Variants in CNTNAP3B observed in about 807,000 individuals in gnomAD.
CNTNAP3B encodes contactin associated protein family member 3B.
CNTNAP3B carries 25 observed loss-of-function variants against 108.9 expected under a neutral mutation model. That is an observed-to-expected ratio of 0.23 (90% confidence interval 0.17 to 0.32). The LOEUF (loss-of-function observed/expected upper bound fraction) is 0.32. Ranked by LOEUF, CNTNAP3B falls within the 10% of genes least tolerant of loss-of-function variation. CNTNAP3B has a pLI of 1.00. For synonymous variants in CNTNAP3B, 103 were observed against 473.4 expected (o/e 0.22, Z 10.16); for missense variants, 252 against 1,210.4 (o/e 0.21, Z 11.75).
At chr9:41,940,234 C>T (rs1824293445) in intron 13 of CNTNAP3B, among the ~76,000 whole-genome samples, 1 of 152,408 alleles carries the variant, frequency 6.6e-6, no homozygotes, top group South Asian at 2.1e-4. Context: ...GATACAAACC[C>T]ACAGATTTAG....
chr9:42,111,906 A>G lies in CNTNAP3B; in HGVS notation c.86-7167T>C, dbSNP rs374764583. Reference sequence around the variant, plus strand: ...ACACACACACCTTACATATCACCAGAGCAGAAACGGTTTTAAACTATTGCT... The same window carrying G: ...ACACACACACCTTACATATCACCAGGGCAGAAACGGTTTTAAACTATTGCT... On this transcript the variant is annotated intron_variant, in intron 1 of 23. Coordinates refer to ENST00000377561, the MANE Select transcript of CNTNAP3B (RefSeq NM_001201380.3). Among the ~76,000 whole-genome samples, 5 of 138,798 alleles carry G rather than the reference A, an allele frequency of 3.6e-5. 2 individuals carry two copies. The South Asian group carries it at 7.0e-4, about 19-fold the overall frequency. 91.1% of individuals were successfully genotyped at this position (138,798 alleles called of 152,430 possible).
At chr9:41,944,578 T>C (rs1342155949) in intron 13 of CNTNAP3B, among the ~76,000 whole-genome samples, 4 of 152,184 alleles carry the variant, frequency 2.6e-5, no homozygotes, top group Non-Finnish European at 5.9e-5. Context: ...TATGGAATCA[T>C]ATAAAATGCT....
Position 41,912,624 on chromosome 9 carries a change from CT to C in CNTNAP3B, c.2996-3844del, listed in dbSNP as rs1303917083. Among the ~76,000 whole-genome samples, 37 of 60,414 alleles carry C rather than the reference CT, an allele frequency of 6.1e-4. 1 individual carries two copies. Among genetic ancestry groups the C allele is most frequent in the African/African-American group, 2.2e-3 (35 of 16,090 alleles). 39.6% of individuals were successfully genotyped at this position (60,414 alleles called of 152,430 possible). A position where few individuals can be genotyped will look rare whatever the true frequency, so the allele number is the denominator to read the frequency against. On this transcript the variant is annotated intron_variant, in intron 18 of 23. Transcript: ENST00000377561. ...TATCTCAAAACCTTTTCTAATTTCC[CT>C]TTTGATTTCGGAGTGTATAGTTTAA...
intron 13 of CNTNAP3B, among the ~76,000 whole-genome samples, chr9:41,941,207 A>G (rs1286383486): frequency 6.6e-6 from 1 of 151,054 alleles, no homozygotes; most frequent in Non-Finnish European, 1.5e-5. Context: ...GAGTAAGAAA[A>G]TTATAAAAAT....
chr9:41,994,531 C>A (rs1249669931), intron 7 of CNTNAP3B: 1 of 141,724 alleles, frequency 7.1e-6, no homozygotes, highest in African/African-American at 9.3e-5. Context: ...TTGGTGTTTC[C>A]TTTTTCATGT....
chr9:42,002,745 G>T lies in CNTNAP3B; in HGVS notation c.539-4141C>A, dbSNP rs1342053145. On this transcript the variant is annotated intron_variant, in intron 4 of 23. Coordinates refer to ENST00000377561, the MANE Select transcript of CNTNAP3B (RefSeq NM_001201380.3). The stretch of plus-strand genomic sequence containing the variant: ...GTGATGCTTCTGTAAACAGGCATCT[G>T]GTCCAGAATGACTTCTAAGAAAGGA... Among the ~76,000 whole-genome samples the T allele has an allele frequency of 1.6e-5, 2 of 128,190 alleles. 1 individual carries two copies. The highest frequency in any genetic ancestry group is 3.3e-5 in the Non-Finnish European group (2 of 61,218). 84.1% of individuals were successfully genotyped at this position (128,190 alleles called of 152,430 possible).
intron 15 of CNTNAP3B, among the ~76,000 whole-genome samples, chr9:41,928,673 C>T (rs1267990407): frequency 2.0e-4 from 31 of 152,316 alleles, no homozygotes; most frequent in African/African-American, 5.5e-4. Flanking sequence ...TAGTCTCAGA[C>T]TTCTCCACGG....
At chr9:41,981,939 C>T (rs1294163354) in intron 9 of CNTNAP3B, among the ~76,000 whole-genome samples, 1 of 57,382 alleles carries the variant, frequency 1.7e-5, no homozygotes, top group Non-Finnish European at 3.4e-5. Context: ...TGTGGTGGCA[C>T]GTGCCTGTAG....
At chr9:42,041,743 T>C (rs1285969232) in intron 3 of CNTNAP3B, among the ~76,000 whole-genome samples, 149 of 136,296 alleles carry the variant, frequency 1.1e-3, no homozygotes, top group Non-Finnish European at 1.4e-3. Context: ...ACTGGGTATA[T>C]ACCCAGAGGA....
chr9:42,120,890 G>T (rs1828447040), intron 1 of CNTNAP3B, among the ~76,000 whole-genome samples: 1 of 136,154 alleles, frequency 7.3e-6, no homozygotes, highest in Admixed American at 7.3e-5. Flanking sequence ...GTTAATGGGT[G>T]CAGCACACCA....
intron 3 of CNTNAP3B, among the ~76,000 whole-genome samples, chr9:42,075,394 C>A (rs868562487): frequency 1.4e-5 from 2 of 139,804 alleles, no homozygotes; most frequent in Admixed American, 7.1e-5. Context: ...GAAGCTCACA[C>A]TGTGAGCGGG....
At chr9:41,965,465 CAG>C (rs1398237403) in intron 10 of CNTNAP3B, among the ~76,000 whole-genome samples, 27 of 151,396 alleles carry the variant, frequency 1.8e-4, no homozygotes, top group Non-Finnish European at 3.2e-4. Flanking sequence ...GCACCTGACA[CAG>C]AGTGTCACCA....
intron 2 of CNTNAP3B, among the ~76,000 whole-genome samples, chr9:42,079,596 A>T (rs1335090346): frequency 1.1e-4 from 14 of 132,550 alleles, no homozygotes; most frequent in African/African-American, 4.3e-4. Context: ...ATCTCTGCTC[A>T]CTGCAACCTC....
At chr9:41,959,375 G>A (rs1824987400) in intron 12 of CNTNAP3B, among the ~76,000 whole-genome samples, 2 of 152,274 alleles carry the variant, frequency 1.3e-5, no homozygotes, top group Admixed American at 6.5e-5. Context: ...TAAAGAGAAG[G>A]TGACATTTTC....
chr9:42,042,181 T>G (rs1418091790), intron 3 of CNTNAP3B, among the ~76,000 whole-genome samples: 1 of 130,474 alleles, frequency 7.7e-6, no homozygotes, highest in African/African-American at 3.0e-5. Context: ...TGTATACATA[T>G]GTAACAAACC....
At chr9:41,936,252 G>A (rs1414350802) in intron 14 of CNTNAP3B, among the ~76,000 whole-genome samples, 2 of 151,850 alleles carry the variant, frequency 1.3e-5, no homozygotes, top group African/African-American at 2.4e-5. Context: ...ATTCCAGCCT[G>A]GGCGACAGAG....
At position 41,953,351 on chromosome 9, in the gene CNTNAP3B, G is replaced by T. The variant is rs1340063507; in HGVS notation, c.1912C>A (p.Pro638Thr). 1 of 1,552,934 alleles carries T rather than the reference G, an allele frequency of 6.4e-7. No homozygotes were observed. Among genetic ancestry groups the T allele is most frequent in the East Asian group, 2.4e-5 (1 of 41,774 alleles). ...SAWTVVRHGG[P>T]DAVTLRGAPS... is the part of the protein sequence containing the mutation. ...GCACCTCGGAGGGTCACCGCGTCGG[G>T]GCCACCGTGCCGCACCACCGTCCAC... The change falls in exon 13 of 24, where the codon CCC becomes ACC. Residue 638 changes from proline to threonine, a missense_variant. Pro to Thr is a conservative substitution (Grantham distance 38). Coordinates refer to ENST00000377561, the MANE Select transcript of CNTNAP3B (RefSeq NM_001201380.3).
At chr9:41,999,546 C>T (rs1384312585) in intron 4 of CNTNAP3B, among the ~76,000 whole-genome samples, 1 of 123,128 alleles carries the variant, frequency 8.1e-6, no homozygotes. Flanking sequence ...CACACACACA[C>T]ATACACACAC....
chr9:41,934,126 C>CATATATATATATATATATATATAA (rs1824074627), intron 14 of CNTNAP3B, among the ~76,000 whole-genome samples: 1 of 22,282 alleles, frequency 4.5e-5, no homozygotes, highest in African/African-American at 1.4e-4. Flanking sequence ...TATATATACA[C>CATATATATATATATATATATATAA]ACACATATAT....
Sources: allele counts gnomAD v4.1 joint callset (sites outside exome capture counted in the v4.1 genomes callset), GRCh38; gene constraint gnomAD v4.1.1; transcripts MANE v1.5; gene names NCBI Gene and HGNC (gene_info 2026-07-23, HGNC 2026-07-21).